Variants in PCNX2 observed in about 807,000 individuals in gnomAD.
PCNX2 encodes pecanex 2.
PCNX2 carries 168 observed loss-of-function variants against 223.8 expected under a neutral mutation model. The observed-to-expected ratio is 0.75, with a 90% CI of 0.66 to 0.85. The LOEUF is 0.85. Ranked by LOEUF, PCNX2 falls within the 40% of genes least tolerant of loss-of-function variation. The pLI is 0.00. For missense variants in PCNX2, 2,507 were observed against 2,675.5 expected (o/e 0.94, Z 1.39); for synonymous variants, 1,006 against 1,052.6 (o/e 0.96, Z 0.86).
chr1:233,198,535 T>A (rs1359081025), intron 15 of PCNX2, among the ~76,000 whole-genome samples: 1 of 152,256 alleles, frequency 6.6e-6, no homozygotes. Flanking sequence ...TAACATTTTG[T>A]GGCTGTCATA....
chr1:232,988,956 TTCTG>T (rs1238448992), intron 32 of PCNX2, among the ~76,000 whole-genome samples: 1 of 151,484 alleles, frequency 6.6e-6, no homozygotes, highest in Non-Finnish European at 1.5e-5. Flanking sequence ...GGGAGAGGAG[TTCTG>T]TCTGTGAGGT....
At chr1:233,027,058 C>T (rs1671103435) in intron 25 of PCNX2, among the ~76,000 whole-genome samples, 1 of 152,050 alleles carries the variant, frequency 6.6e-6, no homozygotes, top group African/African-American at 2.4e-5. Context: ...AAAGGTTGGA[C>T]AGGTGAAGAG....
intron 15 of PCNX2, among the ~76,000 whole-genome samples, chr1:233,184,030 G>A (rs140989332): frequency 2.0e-5 from 3 of 152,196 alleles, no homozygotes; most frequent in African/African-American, 4.8e-5. Context: ...AACACAAAAC[G>A]TTTTCCAAAG....
chr1:233,225,121 A>AAG (rs1558364299), intron 10 of PCNX2, among the ~76,000 whole-genome samples: 31 of 150,966 alleles, frequency 2.1e-4, no homozygotes, highest in Non-Finnish European at 7.4e-5. Context: ...AAAAAAAAAA[A>AAG]AAAAAAAAAA....
chr1:233,054,296 G>C lies in PCNX2; in HGVS notation c.4323C>G (p.Thr1441=), dbSNP rs369253769. ...GGAATTCCAGTCCTCGAAGTTGAAAGGTGACAAGACCATTTCCAATTTCAA... is the reference window on the plus strand; with the variant it reads ...GGAATTCCAGTCCTCGAAGTTGAAACGTGACAAGACCATTTCCAATTTCAA... ...HLIEIGNGLV[T]FQLRGLEFRG... is the part of the protein sequence containing the mutation. Residue 1441 remains threonine (T), a synonymous_variant, in exon 25 of 34, where the codon ACC becomes ACG. Transcript: ENST00000258229. 6.2e-7 allele frequency: 1 copy of C among 1,613,710 alleles called. No homozygotes were observed. The highest frequency in any genetic ancestry group is 1.3e-5 in the African/African-American group (1 of 74,900).
At chr1:233,238,694 A>AAT (rs58671878) in intron 8 of PCNX2, among the ~76,000 whole-genome samples, 4 of 11,916 alleles carry the variant, frequency 3.4e-4, no homozygotes, top group African/African-American at 1.2e-3. Context: ...ATCCTGTCTC[A>AAT]AAAAAAAAAA....
At chr1:233,206,668 T>C (rs533490096) in intron 13 of PCNX2, among the ~76,000 whole-genome samples, 1 of 152,312 alleles carries the variant, frequency 6.6e-6, no homozygotes, top group East Asian at 1.9e-4. Context: ...AACATGTTTC[T>C]GTTTCCTAAT....
chr1:233,146,735 G>A (rs930602950), intron 19 of PCNX2, among the ~76,000 whole-genome samples: 1 of 152,192 alleles, frequency 6.6e-6, no homozygotes, highest in Non-Finnish European at 1.5e-5. Flanking sequence ...ATGAATTAAA[G>A]GAAACATTTG....
intron 1 of PCNX2, among the ~76,000 whole-genome samples, chr1:233,266,548 T>C (rs34949757): frequency 0.3 from 45,305 of 151,904 alleles, 6,928 homozygotes; most frequent in South Asian, 0.45. Context: ...AGAAGACCTC[T>C]AGCTTCCAGT....
chr1:233,009,207 T>C (rs181779995), intron 28 of PCNX2, among the ~76,000 whole-genome samples: 2 of 152,338 alleles, frequency 1.3e-5, no homozygotes, highest in Non-Finnish European at 2.9e-5. Context: ...TCTCCTAACT[T>C]GCATTAGCAC....
At chr1:233,324,438 A>T in the PCNX2 span, among the ~76,000 whole-genome samples, 1 of 152,136 alleles carries the variant, frequency 6.6e-6, no homozygotes, top group Non-Finnish European at 1.5e-5. Flanking sequence ...CTTGTTAAGG[A>T]CTAATGCAGC....
intron 1 of PCNX2, among the ~76,000 whole-genome samples, chr1:233,278,505 C>G (rs183357135): frequency 6.6e-6 from 1 of 152,324 alleles, no homozygotes; most frequent in African/African-American, 2.4e-5. Context: ...AAGGGGGTCA[C>G]AAGCCCTAAT....
chr1:233,071,930 C>G (rs1367856335), intron 23 of PCNX2, among the ~76,000 whole-genome samples: 2 of 152,194 alleles, frequency 1.3e-5, no homozygotes, highest in African/African-American at 4.8e-5. Flanking sequence ...ATACGCTTGG[C>G]TGCATGTATG....
chr1:233,015,621 G>A (rs1362761815), intron 27 of PCNX2, among the ~76,000 whole-genome samples: 1 of 151,958 alleles, frequency 6.6e-6, no homozygotes, highest in Non-Finnish European at 1.5e-5. Flanking sequence ...GGAACCCGGG[G>A]GGCAGAGGCT....
chr1:233,318,174 A>G, the PCNX2 span, among the ~76,000 whole-genome samples: 5 of 152,188 alleles, frequency 3.3e-5, no homozygotes, highest in Admixed American at 3.3e-4. Flanking sequence ...GCTACTAATA[A>G]TCTCTAAAAT....
At chr1:233,203,801 G>A (rs1347073194) in intron 13 of PCNX2, among the ~76,000 whole-genome samples, 2 of 152,056 alleles carry the variant, frequency 1.3e-5, no homozygotes, top group African/African-American at 4.8e-5. Flanking sequence ...GCTCTGACAG[G>A]GTGATGGTTT....
At chr1:233,163,819 A>G (rs116597379) in intron 17 of PCNX2, among the ~76,000 whole-genome samples, 1,548 of 152,004 alleles carry the variant, frequency 0.01, 26 homozygotes, top group African/African-American at 0.035. Flanking sequence ...GGCTTCTTTC[A>G]CTCAGTGTAC....
At chr1:233,189,475 C>T (rs1680297586) in intron 15 of PCNX2, among the ~76,000 whole-genome samples, 1 of 152,058 alleles carries the variant, frequency 6.6e-6, no homozygotes, top group African/African-American at 2.4e-5. Flanking sequence ...GAGTAAATTA[C>T]TTAATCTCTC....
intron 13 of PCNX2, chr1:233,202,177 T>G (rs774588145): frequency 6.4e-6 from 3 of 466,194 alleles, no homozygotes; most frequent in South Asian, 4.8e-5. Context: ...AAATGACACT[T>G]GAAATTGCTG....
Sources: allele counts gnomAD v4.1 joint callset (sites outside exome capture counted in the v4.1 genomes callset), GRCh38; gene constraint gnomAD v4.1.1; transcripts MANE v1.5; gene names NCBI Gene and HGNC (gene_info 2026-07-23, HGNC 2026-07-21).